Variants in GRID2 observed in about 807,000 individuals in gnomAD.
GRID2 encodes glutamate receptor ionotropic, delta-2.
A neutral mutation model predicts 114.8 loss-of-function variants in GRID2; 33 were observed. That is an observed-to-expected ratio of 0.29 (90% CI 0.22 to 0.38). The LOEUF is 0.38. Among genes scored for constraint, GRID2 ranks in the 10% least tolerant of loss-of-function variants. GRID2 has a pLI of 1.00. For synonymous variants in GRID2, 505 were observed against 449.9 expected, an observed-to-expected ratio of 1.12 and a Z score of -1.55; for missense variants, 1,184 against 1,257.7, an observed-to-expected ratio of 0.94 and a Z score of 0.89.
intron 8 of GRID2, among the ~76,000 whole-genome samples, chr4:93,305,763 G>T (rs1226948193): frequency 2.6e-5 from 4 of 152,144 alleles, no homozygotes; most frequent in African/African-American, 9.7e-5. Flanking sequence ...TAAATAGTTT[G>T]GATGGTGTAT....
chr4:92,537,306 C>T (rs1054666450), intron 1 of GRID2, among the ~76,000 whole-genome samples: 8 of 151,952 alleles, frequency 5.3e-5, no homozygotes, highest in Non-Finnish European at 1.0e-4. Context: ...ATATTTTCCC[C>T]TAAATTAATA....
chr4:92,890,179 G>T (rs954307559), intron 2 of GRID2, among the ~76,000 whole-genome samples: 1 of 152,108 alleles, frequency 6.6e-6, no homozygotes, highest in Non-Finnish European at 1.5e-5. Context: ...GAAAACCTGG[G>T]CAATATCATT....
intron 1 of GRID2, among the ~76,000 whole-genome samples, chr4:93,804,487 T>C (rs1401695708): frequency 6.6e-6 from 1 of 152,206 alleles, no homozygotes; most frequent in Non-Finnish European, 1.5e-5. Flanking sequence ...TTTGCATATC[T>C]ACACATGTCT....
chr4:92,706,669 C>T (rs949346214), intron 2 of GRID2, among the ~76,000 whole-genome samples: 2 of 152,070 alleles, frequency 1.3e-5, no homozygotes, highest in African/African-American at 4.8e-5. Context: ...TGTTCTGCCT[C>T]CAGGAAAAAT....
intron 7 of GRID2, among the ~76,000 whole-genome samples, chr4:93,225,347 A>T (rs1268112779): frequency 6.6e-6 from 1 of 152,022 alleles, no homozygotes; most frequent in African/African-American, 2.4e-5. Context: ...TTCCATTCCC[A>T]GAAGGCAGTT....
intron 8 of GRID2, among the ~76,000 whole-genome samples, chr4:93,390,451 T>G (rs1310760028): frequency 6.6e-6 from 1 of 152,164 alleles, no homozygotes; most frequent in Non-Finnish European, 1.5e-5. Context: ...CTTAACATAT[T>G]TTAAATCAGT....
chr4:92,971,865 G>T (rs775606543), intron 2 of GRID2, among the ~76,000 whole-genome samples: 20 of 151,938 alleles, frequency 1.3e-4, no homozygotes, highest in Admixed American at 2.6e-4. Context: ...TACAAATAAT[G>T]GGATTTCATT....
rs62311167 is a variant in GRID2 at position 92,875,257 on chromosome 4, G to A, written c.245-209738G>A. Among the ~76,000 whole-genome samples the A allele has an allele frequency of 2.7e-5, 4 of 149,932 alleles. No individual in the cohort carries two copies. In the East Asian group the frequency reaches 7.8e-4, roughly 29 times the overall value. On this transcript the variant is annotated intron_variant, in intron 2 of 15. Transcript: ENST00000282020. The stretch of plus-strand genomic sequence containing the variant: ...AGCCTACTGCAACCTCTGCCTCCCG[G>A]GTACACGCGATTCTCCTTGCCTCAG...
chr4:92,345,551 A>G (rs768229056), intron 1 of GRID2, among the ~76,000 whole-genome samples: 2 of 152,128 alleles, frequency 1.3e-5, no homozygotes, highest in Non-Finnish European at 2.9e-5. Flanking sequence ...TCTGATTTAC[A>G]TTTCTACCAG....
intron 1 of GRID2, among the ~76,000 whole-genome samples, chr4:92,555,571 T>C (rs1726810626): frequency 6.6e-6 from 1 of 152,178 alleles, no homozygotes; most frequent in Admixed American, 6.5e-5. Flanking sequence ...TGAAGAAAAA[T>C]AGAGAAAAAC....
chr4:93,172,667 G>C (rs114509008), intron 4 of GRID2, among the ~76,000 whole-genome samples: 8 of 152,054 alleles, frequency 5.3e-5, no homozygotes, highest in African/African-American at 1.7e-4. Flanking sequence ...TAATACAATG[G>C]ACCCACACAT....
At chr4:92,780,812 C>G (rs1182059025) in intron 2 of GRID2, among the ~76,000 whole-genome samples, 1 of 152,098 alleles carries the variant, frequency 6.6e-6, no homozygotes, top group Admixed American at 6.6e-5. Flanking sequence ...TTAAAACTTG[C>G]TTATATGCCT....
At chr4:93,029,146 C>T (rs1030643575) in intron 2 of GRID2, among the ~76,000 whole-genome samples, 1 of 152,044 alleles carries the variant, frequency 6.6e-6, no homozygotes, top group Non-Finnish European at 1.5e-5. Flanking sequence ...AAATTATAAA[C>T]TCTCCAAGGA....
At chr4:92,308,933 T>C (rs1251582612) in intron 1 of GRID2, among the ~76,000 whole-genome samples, 1 of 152,072 alleles carries the variant, frequency 6.6e-6, no homozygotes, top group Non-Finnish European at 1.5e-5. Flanking sequence ...GGCTTTACTA[T>C]TCTTCTCTGT....
At chr4:92,891,740 C>A (rs1421656898) in intron 2 of GRID2, among the ~76,000 whole-genome samples, 1 of 152,138 alleles carries the variant, frequency 6.6e-6, no homozygotes, top group East Asian at 1.9e-4. Context: ...TAAATTGTTA[C>A]ATCGGCATCA....
intron 1 of GRID2, among the ~76,000 whole-genome samples, chr4:92,467,887 C>T (rs1318795913): frequency 1.3e-5 from 2 of 152,008 alleles, no homozygotes; most frequent in East Asian, 3.9e-4. Context: ...CTTAGAAATC[C>T]TTTAAGTATA....
intron 4 of GRID2, among the ~76,000 whole-genome samples, chr4:93,156,105 C>T (rs1332356897): frequency 6.6e-6 from 1 of 151,514 alleles, no homozygotes; most frequent in Non-Finnish European, 1.5e-5. Flanking sequence ...TCACCTGTTA[C>T]ATACCCATAA....
Position 93,420,731 on chromosome 4 carries a change from C to CTTATTTATTTAT in GRID2, c.1348-2015_1348-2004dup, listed in dbSNP as rs36041449. Among the ~76,000 whole-genome samples the CTTATTTATTTAT allele has an allele frequency of 4.2e-3, 620 of 146,288 alleles. 5 individuals carry two copies. The highest frequency in any genetic ancestry group is 0.018 in the Middle Eastern group (5 of 282). On this transcript the variant is annotated intron_variant, in intron 9 of 15. Coordinates refer to ENST00000282020, the MANE Select transcript of GRID2 (RefSeq NM_001510.4). ...TTTATTTGTTTATTTATTATTTTTA[C>CTTATTTATTTAT]TTATTTATTTATTTATTTATTTATT...
intron 2 of GRID2, among the ~76,000 whole-genome samples, chr4:92,828,650 C>A (rs985264563): frequency 6.6e-6 from 1 of 152,028 alleles, no homozygotes; most frequent in Non-Finnish European, 1.5e-5. Context: ...ACTTCCTCAC[C>A]CCAATTAACT....
Sources: allele counts gnomAD v4.1 joint callset (sites outside exome capture counted in the v4.1 genomes callset), GRCh38; gene constraint gnomAD v4.1.1; transcripts MANE v1.5; gene names NCBI Gene and HGNC (gene_info 2026-07-23, HGNC 2026-07-21).